RABGGTA: variants seen among roughly 807,000 people sequenced by gnomAD.
The protein encoded by RABGGTA is Rab geranylgeranyltransferase subunit alpha.
RABGGTA carries 69 observed loss-of-function variants against 83.3 expected under a neutral mutation model. The observed-to-expected ratio is 0.83, with a 90% CI of 0.68 to 1.01. RABGGTA has a LOEUF of 1.01. Among genes scored for constraint, RABGGTA ranks in the 50% least tolerant of loss-of-function variants. The pLI is 0.00. For missense variants in RABGGTA, 681 were observed against 712.7 expected (o/e 0.96, Z 0.51); for synonymous variants, 310 against 299.8 (o/e 1.03, Z -0.35).
rs774258259 is a variant in RABGGTA, at chr14:24,266,773, T to C, written c.1467+3A>G. ...GACAGGGACGGAGACATGGGTACTT[T>C]ACCTCAAGGCAGCGCAGGGCAGCCA... On this transcript the variant is annotated splice_donor_region_variant and intron_variant, in intron 15 of 16. Transcript: ENST00000216840. 1.1e-5 allele frequency: 18 copies of C among 1,609,246 alleles called. No individual in the cohort carries two copies. The South Asian group carries it at 1.9e-4, about 17-fold the overall frequency.
At position 24,269,968 on chromosome 14, in the gene RABGGTA, C is replaced by CTGGA. The variant is rs1566388131; in HGVS notation, c.411_412insTCCA (p.Val138SerfsTer4). The stretch of plus-strand genomic sequence containing the variant: ...AGCCACGTACAGTTCCGCTCATCCA[C>CTGGA]CTCCAGGAAACGGGCACAGAGCTCC... On this transcript the variant is annotated frameshift_variant, in exon 5 of 17. Transcript: ENST00000216840. LOFTEE classifies it high-confidence loss of function. The CTGGA allele has an allele frequency of 6.2e-7, 1 of 1,613,616 alleles. No homozygotes were observed. Among genetic ancestry groups the CTGGA allele is most frequent in the Non-Finnish European group, 8.5e-7 (1 of 1,179,788 alleles).
rs752522609 is a variant in RABGGTA at position 24,267,765 on chromosome 14, G to A, written c.1248C>T (p.Pro416=). 6.2e-7 allele frequency: 1 copy of A among 1,612,452 alleles called. No homozygotes were observed. Among genetic ancestry groups the A allele is most frequent in the Non-Finnish European group, 8.5e-7 (1 of 1,179,788 alleles). ...GGTCATCCAGATACGTTGCCCGCAT[G>A]GGGTCCACGGCCTGGAGTGGATGAG... ...QYFQTLKAVD[P]MRATYLDDLR... The change falls in exon 14 of 17, where the codon CCC becomes CCT. Residue 416 remains proline (P), a synonymous_variant. Transcript: ENST00000216840.
In RABGGTA at chr14:24,265,735, A is replaced by T. The variant is rs1489094090; in HGVS notation, c.1584T>A (p.Pro528=). The change falls in exon 17 of 17, where the codon CCT becomes CCA. Residue 528 remains proline (P), a synonymous_variant. Coordinates refer to ENST00000216840, the MANE Select transcript of RABGGTA (RefSeq NM_182836.3). ...GGACCAGCCTGGGGCAGGAGGCAAG[A>T]GGCTGGAGCACTGCAGGCTGCTGGA... is the stretch of plus-strand genomic sequence containing the variant. ...NRLQQPAVLQ[P]LASCPRLVLL... 2 of 1,611,486 alleles carry T rather than the reference A, an allele frequency of 1.2e-6. No homozygotes were observed. Among genetic ancestry groups the T allele is most frequent in the Admixed American group, 1.7e-5 (1 of 59,632 alleles).
At chr14:24,268,058 G>C in intron 12 of RABGGTA, 52 bp downstream of exon 12, 1 of 1,607,742 alleles carries the variant, frequency 6.2e-7, no homozygotes, top group Non-Finnish European at 8.5e-7. Flanking sequence ...ACACTGGAAA[G>C]GGGTTTCCTC....
rs1031990441 is a variant in RABGGTA at position 24,269,377 on chromosome 14, C to T, written c.631+114G>A. The T allele has an allele frequency of 1.3e-5, 17 of 1,286,110 alleles. No homozygotes were observed. The African/African-American group carries it at 1.9e-4, about 14-fold the overall frequency. 79.7% of individuals were successfully genotyped at this position (1,286,110 alleles called of 1,614,324 possible). On this transcript the variant is annotated intron_variant, in intron 6 of 16. Coordinates refer to ENST00000216840, the MANE Select transcript of RABGGTA (RefSeq NM_182836.3). The stretch of plus-strand genomic sequence containing the variant: ...TGATTCTTAAGCACCCCTGGAGCCA[C>T]GCATGAAGTAGGTGCTCAATAAACC...
rs771117835 is a variant in RABGGTA, at chr14:24,266,462, G to A, written c.1523C>T (p.Pro508Leu). 1.2e-6 allele frequency: 2 copies of A among 1,614,020 alleles called. No individual in the cohort carries two copies. Among genetic ancestry groups the A allele is most frequent in the Non-Finnish European group, 1.7e-6 (2 of 1,179,898 alleles). ...GCACAGTAGCAGCTCCTGCAGCCGGGGTAGGTTGGTGACGCCGTCCAGGGA... is the reference window on the plus strand; with the variant it reads ...GCACAGTAGCAGCTCCTGCAGCCGGAGTAGGTTGGTGACGCCGTCCAGGGA... ...IESLDGVTNLPRLQELLLCNN... is the reference protein window; with the variant it reads ...IESLDGVTNLLRLQELLLCNN... Residue 508 changes from proline to leucine, a missense_variant, in exon 16 of 17, where the codon CCC becomes CTC. By Grantham distance (98) the Pro-to-Leu change is moderately conservative (BLOSUM62 -3). This residue lies in a region of RABGGTA where 421 missense variants were observed against 418.5 expected (regional missense o/e 1.01). Transcript: ENST00000216840.
intron 16 of RABGGTA, 130 bp from the exon 17 acceptor site, chr14:24,265,893 G>T: frequency 7.2e-7 from 1 of 1,396,660 alleles, no homozygotes; most frequent in Non-Finnish European, 9.4e-7. Flanking sequence ...CCTGGAGGGA[G>T]TCAGGCTCTA....
chr14:24,270,260 T>C, intron 4 of RABGGTA, 74 bp downstream of exon 4: 1 of 1,584,498 alleles, frequency 6.3e-7, no homozygotes, highest in African/African-American at 1.3e-5. Flanking sequence ...GCCCCATTTC[T>C]CCTCCACCCC....
intron 16 of RABGGTA, 110 bp downstream of exon 16, chr14:24,266,318 CCT>C: frequency 2.0e-6 from 2 of 980,172 alleles, no homozygotes; most frequent in African/African-American, 1.6e-5. Context: ...TACAGAGCCC[CCT>C]CTCTCCTGCC....
intron 11 of RABGGTA, 40 bp from the exon 12 acceptor site, chr14:24,268,238 C>A: frequency 6.2e-7 from 1 of 1,608,132 alleles, no homozygotes; most frequent in Non-Finnish European, 8.5e-7. Context: ...AGGCCCACAG[C>A]CCTGAAGCAC....
chr14:24,269,950 T>C lies in RABGGTA; in HGVS notation c.427+3A>G, dbSNP rs750553005. On this transcript the variant is annotated splice_donor_region_variant and intron_variant, in intron 5 of 16. Coordinates refer to ENST00000216840, the MANE Select transcript of RABGGTA (RefSeq NM_182836.3). ...TGTGGGGACAGAATCTGCAGCCACG[T>C]ACAGTTCCGCTCATCCACCTCCAGG... 2 of 1,613,006 alleles carry C rather than the reference T, an allele frequency of 1.2e-6. No individual in the cohort carries two copies. Among genetic ancestry groups the C allele is most frequent in the Non-Finnish European group, 8.5e-7 (1 of 1,179,682 alleles).
At chr14:24,268,219 G>GGGGC in intron 11 of RABGGTA, 21 bp from the exon 12 acceptor site, 1 of 1,032,914 alleles carries the variant, frequency 9.7e-7, no homozygotes, top group Non-Finnish European at 1.5e-6. Context: ...GCAGGGTGGG[G>GGGGC]AGGAGTTGAG....
At chr14:24,268,344 T>G (rs1194028502) in intron 11 of RABGGTA, 25 bp downstream of exon 11, 1 of 1,612,926 alleles carries the variant, frequency 6.2e-7, no homozygotes, top group Non-Finnish European at 8.5e-7. Flanking sequence ...GCCCCTCTCC[T>G]TGTTTTGTGC....
chr14:24,269,181 G>A lies in RABGGTA; in HGVS notation c.632-18C>T, dbSNP rs976922838. On this transcript the variant is annotated intron_variant, in intron 6 of 16. Transcript: ENST00000216840. ...CTCCAGCTCTGTGGGGTTCCAGGAG[G>A]CATGGGGCTGTGGTCAGGACACTGG... The A allele has an allele frequency of 1.9e-6, 3 of 1,600,588 alleles. No homozygotes were observed. Among genetic ancestry groups the A allele is most frequent in the Non-Finnish European group, 2.6e-6 (3 of 1,172,302 alleles).
rs150613668 is a variant in RABGGTA at position 24,269,717 on chromosome 14, T to C, written c.428-23A>G. 3.0e-4 allele frequency: 482 copies of C among 1,611,122 alleles called. 1 individual carries two copies. The African/African-American group carries it at 5.4e-3, about 18-fold the overall frequency. On this transcript the variant is annotated intron_variant, in intron 5 of 16. Transcript: ENST00000216840. ...GAACTGGAGGGGAGAGGTGACAGCA[T>C]ATCTTAGAGGCAGGGCAAGAGGAGC...
At position 24,269,527 on chromosome 14, in the gene RABGGTA, G is replaced by A; in HGVS notation, c.595C>T (p.Pro199Ser). 6.2e-7 allele frequency: 1 copy of A among 1,606,584 alleles called. No homozygotes were observed. Among genetic ancestry groups the A allele is most frequent in the Non-Finnish European group, 8.5e-7 (1 of 1,173,160 alleles). ...ACATCCTCAGGGAGGCGCCCCTGTG[G>A]TCCAGAATCCGGCTGGGGGTGCAGC... ...PQLHPQPDSG[P>S]QGRLPEDVLL... Residue 199 changes from proline (P) to serine (S), a missense_variant, in exon 6 of 17, where the codon CCA (proline) becomes TCA (serine). This residue lies in a region of RABGGTA where 122 missense variants were observed against 118.9 expected (regional missense o/e 1.03). Transcript: ENST00000216840.
chr14:24,265,804 CA>C, intron 16 of RABGGTA, 41 bp from the exon 17 acceptor site: 2 of 1,559,306 alleles, frequency 1.3e-6, no homozygotes, highest in Non-Finnish European at 1.7e-6. Flanking sequence ...AGGTTCCTCC[CA>C]ATTTATTTGC....
chr14:24,270,451 G>C lies in RABGGTA; in HGVS notation c.122C>G (p.Ala41Gly). 3.1e-6 allele frequency: 5 copies of C among 1,613,998 alleles called. No homozygotes were observed. The highest frequency in any genetic ancestry group is 4.2e-6 in the Non-Finnish European group (5 of 1,179,886). Reference sequence around the variant, plus strand: ...CAGCACGGACTCATCCAGCTCACCAGCCTGGCGCTAAGAAGATAGGTGGCA... The same window carrying C: ...CAGCACGGACTCATCCAGCTCACCACCCTGGCGCTAAGAAGATAGGTGGCA... Reference protein sequence around the residue: ...ATQAVFQKRQAGELDESVLEL... With the variant: ...ATQAVFQKRQGGELDESVLEL... The change falls in exon 4 of 17, where the codon GCT (alanine) becomes GGT (glycine). Residue 41 changes from alanine to glycine, a missense_variant. This residue lies in a region of RABGGTA where 115 missense variants were observed against 111.5 expected (regional missense o/e 1.03). Coordinates refer to ENST00000216840, the MANE Select transcript of RABGGTA (RefSeq NM_182836.3).
chr14:24,265,860 T>C, intron 16 of RABGGTA, 97 bp from the exon 17 acceptor site: 1 of 1,458,094 alleles, frequency 6.9e-7, no homozygotes, highest in Non-Finnish European at 9.1e-7. Flanking sequence ...TGGAAGTCTG[T>C]TTGATGGGCA....
Sources: allele counts gnomAD v4.1 joint callset, GRCh38; gene constraint gnomAD v4.1.1; regional missense constraint gnomAD v4.1.1; transcripts MANE v1.5; gene names NCBI Gene and HGNC (gene_info 2026-07-23, HGNC 2026-07-21).